The following RBFOX1 variants were observed in gnomAD, a reference collection of about 807,000 sequenced individuals.
RBFOX1 encodes the protein RNA binding protein fox-1 homolog 1.
Under a neutral mutation model 57.7 loss-of-function variants are expected in RBFOX1, and 8 were observed. The ratio of observed to expected loss-of-function variants is 0.14; its 90% CI spans 0.08 to 0.25. RBFOX1 has a LOEUF of 0.25. Ranked by LOEUF, RBFOX1 falls within the 10% of genes least tolerant of loss-of-function variation. RBFOX1 has a pLI of 1.00. For missense variants in RBFOX1, 611 were observed against 548.5 expected, an observed-to-expected ratio of 1.11 and a Z score of -1.14; for synonymous variants, 326 against 222.4, an observed-to-expected ratio of 1.47 and a Z score of -4.15.
chr16:6,774,092 C>A, intron 3 of RBFOX1: 1 of 801,324 alleles, frequency 1.2e-6, no homozygotes, highest in Non-Finnish European at 1.5e-6. Context: ...CTTTAAATTA[C>A]CAAGAATTGG....
At chr16:5,731,605 A>G (rs984104274) in intron 3 of RBFOX1, among the ~76,000 whole-genome samples, 5 of 152,218 alleles carry the variant, frequency 3.3e-5, no homozygotes, top group African/African-American at 9.6e-5. Context: ...GAATGTGGGC[A>G]TGAACTATGT....
intron 2 of RBFOX1, among the ~76,000 whole-genome samples, chr16:6,354,503 CA>C (rs2086941835): frequency 6.6e-6 from 1 of 152,144 alleles, no homozygotes; most frequent in South Asian, 2.1e-4. Context: ...CTGATAGCTT[CA>C]GAGGCTCAAG....
chr16:5,862,513 T>A (rs1186228066), intron 3 of RBFOX1, among the ~76,000 whole-genome samples: 4 of 152,124 alleles, frequency 2.6e-5, no homozygotes, highest in South Asian at 2.1e-4. Flanking sequence ...GAAGGGATAA[T>A]GTCCAACCAG....
intron 4 of RBFOX1, among the ~76,000 whole-genome samples, chr16:7,230,983 C>G (rs1481533424): frequency 6.6e-6 from 1 of 152,068 alleles, no homozygotes; most frequent in Non-Finnish European, 1.5e-5. Flanking sequence ...GTCTGAGTCC[C>G]AGAATTCACA....
chr16:7,682,552 T>C (rs2075036650), intron 14 of RBFOX1, among the ~76,000 whole-genome samples: 1 of 151,906 alleles, frequency 6.6e-6, no homozygotes, highest in Admixed American at 6.6e-5. Flanking sequence ...TTAGTTTTTT[T>C]TTTTTTTAAT....
chr16:7,303,789 C>T (rs1432189840), intron 4 of RBFOX1, among the ~76,000 whole-genome samples: 2 of 150,890 alleles, frequency 1.3e-5, no homozygotes, highest in Non-Finnish European at 3.0e-5. Context: ...CTCTGTCTCT[C>T]CCCTCCCTCT....
At chr16:6,741,931 C>T (rs12446860) in intron 3 of RBFOX1, among the ~76,000 whole-genome samples, 13,588 of 152,098 alleles carry the variant, frequency 0.089, 750 homozygotes, top group East Asian at 0.17. Flanking sequence ...TAGTGATAGA[C>T]TGTAGTTAAT....
rs773494926 is a variant in RBFOX1, at chr16:6,662,482, GC to G, written c.-16+7834del. The stretch of plus-strand genomic sequence containing the variant: ...AGAAGAGGAACACATTTTCCTGCAG[GC>G]CGGTATTGTACAAGTGTTGAAACAC... On this transcript the variant is annotated intron_variant, in intron 3 of 15. Transcript: ENST00000550418. 3.4e-4 allele frequency among the ~76,000 whole-genome samples: 51 copies of G among 152,102 alleles called. 1 individual carries two copies. The highest frequency in any genetic ancestry group is 1.3e-3 in the East Asian group (7 of 5,190).
intron 4 of RBFOX1, among the ~76,000 whole-genome samples, chr16:5,914,095 T>G (rs2058658413): frequency 1.3e-5 from 2 of 152,210 alleles, no homozygotes; most frequent in Non-Finnish European, 2.9e-5. Context: ...CTTGGGGACT[T>G]TCAAGCTGTG....
chr16:7,295,655 C>T (rs934474520), intron 4 of RBFOX1, among the ~76,000 whole-genome samples: 1 of 152,048 alleles, frequency 6.6e-6, no homozygotes, highest in Non-Finnish European at 1.5e-5. Flanking sequence ...AAAAGGTGTA[C>T]TGCTCACTAC....
chr16:7,431,011 AATC>A (rs892002541), intron 4 of RBFOX1, among the ~76,000 whole-genome samples: 2 of 152,188 alleles, frequency 1.3e-5, no homozygotes, highest in African/African-American at 4.8e-5. Flanking sequence ...TTGCTTTCAC[AATC>A]ATCAAACAGG....
chr16:6,989,717 G>A (rs2091079900), intron 3 of RBFOX1, among the ~76,000 whole-genome samples: 1 of 152,000 alleles, frequency 6.6e-6, no homozygotes, highest in African/African-American at 2.4e-5. Flanking sequence ...TCCCTAAAAG[G>A]GGTCAGGTGC....
chr16:5,266,476 C>T (rs1238415073), intron 1 of RBFOX1, among the ~76,000 whole-genome samples: 1 of 151,402 alleles, frequency 6.6e-6, no homozygotes, highest in African/African-American at 2.4e-5. Context: ...TGGAAGAGAC[C>T]CCAGGAATAT....
At chr16:6,768,050 C>G (rs1242227298) in intron 3 of RBFOX1, among the ~76,000 whole-genome samples, 2 of 151,278 alleles carry the variant, frequency 1.3e-5, no homozygotes, top group African/African-American at 4.9e-5. Context: ...TGTGAAGGAG[C>G]TAGTGAATTT....
At chr16:6,568,404 A>T (rs1020637115) in intron 2 of RBFOX1, among the ~76,000 whole-genome samples, 4 of 152,142 alleles carry the variant, frequency 2.6e-5, no homozygotes, top group Admixed American at 6.5e-5. Flanking sequence ...ATGGCTCTCT[A>T]CCAAATTGAG....
At chr16:7,128,105 A>G (rs1600333232) in intron 4 of RBFOX1, among the ~76,000 whole-genome samples, 1 of 152,204 alleles carries the variant, frequency 6.6e-6, no homozygotes, top group African/African-American at 2.4e-5. Context: ...CTCCAGGCTT[A>G]CTTTCTATGA....
rs143359825 is a variant in RBFOX1, at chr16:5,594,563, C to G, written c.259-4339C>G. On this transcript the variant is annotated intron_variant, in intron 2 of 2. Transcript: ENST00000585867. ...AAGGCGGGAGAACTTGAAGCAAAGG[C>G]AGGAAGACAGGGAGACACTGGGAGA... Among the ~76,000 whole-genome samples the G allele has an allele frequency of 7.9e-5, 12 of 152,224 alleles. No homozygotes were observed. In the East Asian group the frequency reaches 2.3e-3, roughly 29 times the overall value.
At chr16:6,043,118 C>CCGAAA (rs2095456683) in intron 1 of RBFOX1, among the ~76,000 whole-genome samples, 1 of 37,752 alleles carries the variant, frequency 2.6e-5, no homozygotes, top group African/African-American at 9.4e-5. Flanking sequence ...ATTGTGTTTC[C>CCGAAA]AGAAAAAAAA....
intron 3 of RBFOX1, among the ~76,000 whole-genome samples, chr16:5,856,206 T>TATATATATATATAC (rs1159874642): frequency 2.5e-5 from 1 of 40,508 alleles, no homozygotes; most frequent in African/African-American, 7.9e-5. Flanking sequence ...TATATATATA[T>TATATATATATATAC]ACATATATAT....
Sources: gnomAD v4.1 joint callset for allele counts (sites outside exome capture counted in the v4.1 genomes callset) on GRCh38, gnomAD v4.1.1 for gene constraint, MANE v1.5 for transcripts, NCBI Gene and HGNC (gene_info 2026-07-23, HGNC 2026-07-21) for gene names.